BMPR1B: variants seen among roughly 807,000 people sequenced by gnomAD.
BMPR1B encodes bone morphogenetic protein receptor type-1B.
A neutral mutation model predicts 59.1 loss-of-function variants in BMPR1B; 12 were observed. That is an observed-to-expected ratio of 0.20 (90% CI 0.13 to 0.33). The LOEUF (loss-of-function observed/expected upper bound fraction) is 0.33, where lower values mean the gene tolerates loss of function less well. Among genes scored for constraint, BMPR1B ranks in the 10% least tolerant of loss-of-function variants. The pLI, the probability that BMPR1B is intolerant of heterozygous loss-of-function variation, is 1.00. For missense variants in BMPR1B, 550 were observed against 610.9 expected, an observed-to-expected ratio of 0.90 and a Z score of 1.05; for synonymous variants, 237 against 207.3, an observed-to-expected ratio of 1.14 and a Z score of -1.23.
chr4:95,078,006 A>G (rs1255396323), intron 3 of BMPR1B, among the ~76,000 whole-genome samples: 2 of 152,204 alleles, frequency 1.3e-5, no homozygotes, highest in Admixed American at 1.3e-4. Flanking sequence ...TGTAAATATG[A>G]GTCAGTAACA....
intron 1 of BMPR1B, among the ~76,000 whole-genome samples, chr4:94,860,783 T>C (rs1448600770): frequency 6.6e-6 from 1 of 152,022 alleles, no homozygotes. Context: ...TGCCAGTGCA[T>C]CCTACAAGAG....
chr4:94,838,096 C>A (rs1200341146), intron 1 of BMPR1B, among the ~76,000 whole-genome samples: 1 of 144,290 alleles, frequency 6.9e-6, no homozygotes, highest in Non-Finnish European at 1.5e-5. Context: ...GTCTTGCATC[C>A]CAGGGATGAA....
intron 2 of BMPR1B, among the ~76,000 whole-genome samples, chr4:94,949,201 T>C (rs1424683560): frequency 6.6e-6 from 1 of 152,142 alleles, no homozygotes; most frequent in African/African-American, 2.4e-5. Context: ...TCAATTCCCA[T>C]TTATGAGTGA....
At chr4:94,886,418 G>A (rs1727173104) in intron 2 of BMPR1B, among the ~76,000 whole-genome samples, 1 of 152,160 alleles carries the variant, frequency 6.6e-6, no homozygotes, top group Admixed American at 6.6e-5. Context: ...GATTGACCAA[G>A]CAGGTCTTAA....
chr4:95,066,518 A>G (rs1046872086), intron 3 of BMPR1B, among the ~76,000 whole-genome samples: 2 of 152,222 alleles, frequency 1.3e-5, no homozygotes, highest in African/African-American at 4.8e-5. Context: ...CAGGTTAGGT[A>G]AAGTTTCTTT....
Position 94,997,082 on chromosome 4 carries a change from C to G in BMPR1B, c.-18+948C>G, listed in dbSNP as rs577846508. ...CTAGAAAGTCAATTATGTTGTTTCA[C>G]TAGAACTGTGGCCTTAACTAGAGGA... On this transcript the variant is annotated intron_variant, in intron 3 of 12. Transcript: ENST00000515059. Among the ~76,000 whole-genome samples the G allele has an allele frequency of 1.6e-4, 25 of 152,260 alleles. No homozygotes were observed. The South Asian group carries it at 4.8e-3, about 29-fold the overall frequency.
chr4:95,040,956 A>G (rs1192019426), intron 3 of BMPR1B, among the ~76,000 whole-genome samples: 1 of 152,202 alleles, frequency 6.6e-6, no homozygotes, highest in Non-Finnish European at 1.5e-5. Context: ...CCTAAAGTAC[A>G]GGCCTATGCA....
In BMPR1B at chr4:94,806,762, C is replaced by T. The variant is rs7661053; in HGVS notation, c.-183+48694C>T. 7.5e-3 allele frequency among the ~76,000 whole-genome samples: 1,135 copies of T among 152,186 alleles called. 15 individuals carry two copies. The highest frequency in any genetic ancestry group is 0.026 in the African/African-American group (1,087 of 41,530). On this transcript the variant is annotated intron_variant, in intron 1 of 12. Coordinates refer to ENST00000515059, the MANE Select transcript of BMPR1B (RefSeq NM_001203.3). ...CAGATAAATAGCAAATCATTTTTAGCGTAGCGTTGTCCCAAATAGTGTGTG... is the reference window on the plus strand; with the variant it reads ...CAGATAAATAGCAAATCATTTTTAGTGTAGCGTTGTCCCAAATAGTGTGTG...
intron 3 of BMPR1B, among the ~76,000 whole-genome samples, chr4:95,079,833 C>G (rs1039804430): frequency 2.0e-5 from 3 of 151,898 alleles, no homozygotes; most frequent in Non-Finnish European, 2.9e-5. Context: ...CAAACAAAAG[C>G]AAAAATCAAC....
chr4:95,063,205 A>G (rs1347853140), intron 3 of BMPR1B, among the ~76,000 whole-genome samples: 1 of 152,218 alleles, frequency 6.6e-6, no homozygotes. Flanking sequence ...ATAAACTAAT[A>G]GACAATAACT....
intron 2 of BMPR1B, among the ~76,000 whole-genome samples, chr4:94,947,754 C>G (rs1729774544): frequency 6.6e-6 from 1 of 152,182 alleles, no homozygotes; most frequent in African/African-American, 2.4e-5. Context: ...TGTCTTATCT[C>G]CTGTAGCGCC....
At chr4:94,761,655 CTTG>C (rs1176530250) in intron 1 of BMPR1B, among the ~76,000 whole-genome samples, 4 of 152,070 alleles carry the variant, frequency 2.6e-5, no homozygotes, top group African/African-American at 4.8e-5. Context: ...GACCACTTTA[CTTG>C]TTGTCCTCCA....
intron 3 of BMPR1B, among the ~76,000 whole-genome samples, chr4:95,013,175 T>C (rs1197087765): frequency 6.6e-6 from 1 of 152,100 alleles, no homozygotes; most frequent in Non-Finnish European, 1.5e-5. Flanking sequence ...TTAGTAAATA[T>C]GACTTTCAAA....
chr4:95,053,953 G>A (rs867547209), intron 3 of BMPR1B, among the ~76,000 whole-genome samples: 15 of 152,014 alleles, frequency 9.9e-5, no homozygotes, highest in East Asian at 5.8e-4. Context: ...TTAATTCTGC[G>A]TCTACTTCAG....
At chr4:95,014,205 T>C (rs1723416615) in intron 3 of BMPR1B, among the ~76,000 whole-genome samples, 1 of 152,224 alleles carries the variant, frequency 6.6e-6, no homozygotes, top group Non-Finnish European at 1.5e-5. Flanking sequence ...TCTTGTTAAC[T>C]AAATCAACTG....
intron 1 of BMPR1B, among the ~76,000 whole-genome samples, chr4:94,831,789 C>T (rs74396781): frequency 0.12 from 18,273 of 152,198 alleles, 1,165 homozygotes; most frequent in Non-Finnish European, 0.13. Flanking sequence ...ATAGCCACTT[C>T]CCATCACTCA....
chr4:94,865,217 C>T lies in BMPR1B; in HGVS notation c.-182-10614C>T, dbSNP rs192414766. ...AGAGATGGAGTTACACTGTGTTGGC[C>T]AGGCTGGTCTCGAACTGCCAACCTT... On this transcript the variant is annotated intron_variant, in intron 1 of 12. Coordinates refer to ENST00000515059, the MANE Select transcript of BMPR1B (RefSeq NM_001203.3). Among the ~76,000 whole-genome samples, 18 of 152,164 alleles carry T rather than the reference C, an allele frequency of 1.2e-4. No homozygotes were observed. The East Asian group carries it at 3.5e-3, about 30-fold the overall frequency.
At chr4:95,114,216 A>G (rs1240523319) in intron 4 of BMPR1B, among the ~76,000 whole-genome samples, 2 of 152,170 alleles carry the variant, frequency 1.3e-5, no homozygotes, top group African/African-American at 4.8e-5. Flanking sequence ...TCTCAGAGCA[A>G]GAACAGTATA....
chr4:94,793,984 TGGTA>T (rs1437825370), intron 1 of BMPR1B, among the ~76,000 whole-genome samples: 2 of 149,622 alleles, frequency 1.3e-5, no homozygotes, highest in African/African-American at 4.9e-5. Context: ...TTCACTCTGA[TGGTA>T]GTTTCTTTTG....
Sources: gnomAD v4.1 joint callset for allele counts (sites outside exome capture counted in the v4.1 genomes callset) on GRCh38, gnomAD v4.1.1 for gene constraint, MANE v1.5 for transcripts, NCBI Gene and HGNC (gene_info 2026-07-23, HGNC 2026-07-21) for gene names.